MGAT5: variants seen among roughly 807,000 people sequenced by gnomAD.
MGAT5 encodes the protein alpha-1,6-mannosylglycoprotein 6-beta-N-acetylglucosaminyltransferase A.
Under a neutral mutation model 94.3 loss-of-function variants are expected in MGAT5, and 30 were observed. The observed-to-expected ratio is 0.32, with a 90% CI of 0.24 to 0.43. MGAT5 has a LOEUF of 0.43. Among genes scored for constraint, MGAT5 ranks in the 20% least tolerant of loss-of-function variants. The probability of loss-of-function intolerance (pLI) is 1.00; values close to 1 mark genes in which losing one functional copy is unlikely to be tolerated. For missense variants in MGAT5, 691 were observed against 905.5 expected, an observed-to-expected ratio of 0.76 and a Z score of 3.04; for synonymous variants, 310 against 322.9, an observed-to-expected ratio of 0.96 and a Z score of 0.43.
rs138385375 is a variant in MGAT5, at chr2:134,259,390, T to A, written c.241+4746T>A. ...TCCAGCAGCCTGACCCAAATTCTGA[T>A]CCCTAGTGATCACCTCTTATCTAAC... On this transcript the variant is annotated intron_variant, in intron 1 of 15. Transcript: ENST00000281923. Among the ~76,000 whole-genome samples the A allele has an allele frequency of 9.8e-5, 15 of 152,288 alleles. 2 individuals are homozygous for A. Among genetic ancestry groups the A allele is most frequent in the African/African-American group, 3.6e-4 (15 of 41,572 alleles).
intron 2 of MGAT5, among the ~76,000 whole-genome samples, chr2:134,277,534 A>G (rs1414146708): frequency 1.3e-5 from 2 of 152,172 alleles, no homozygotes; most frequent in East Asian, 1.9e-4. Flanking sequence ...AACTGCCCCC[A>G]TAATCCATTC....
intron 1 of MGAT5, among the ~76,000 whole-genome samples, chr2:134,232,976 A>G (rs1681447037): frequency 6.6e-6 from 1 of 152,234 alleles, no homozygotes; most frequent in African/African-American, 2.4e-5. Flanking sequence ...ACCTAAGGTC[A>G]TAACTTTCTT....
In MGAT5 at chr2:134,326,027, C is replaced by T. The variant is rs374200499; in HGVS notation, c.573+7288C>T. Among the ~76,000 whole-genome samples the T allele has an allele frequency of 2.8e-4, 38 of 134,672 alleles. No individual in the cohort carries two copies. In the South Asian group the frequency reaches 9.0e-3, roughly 32 times the overall value. 88.4% of individuals were successfully genotyped at this position (134,672 alleles called of 152,430 possible). On this transcript the variant is annotated intron_variant, in intron 4 of 15. Coordinates refer to ENST00000281923, the MANE Select transcript of MGAT5 (RefSeq NM_002410.5). ...ACTTGAGTTGGGAGGCACATAATGC[C>T]TGATTTCTCTTTCTCTCTCTCTCTC...
At chr2:134,240,440 C>T (rs918779370) in intron 1 of MGAT5, among the ~76,000 whole-genome samples, 4 of 151,334 alleles carry the variant, frequency 2.6e-5, no homozygotes, top group South Asian at 2.1e-4. Context: ...CCCCTTAAGA[C>T]GGAAGAGTGA....
intron 1 of MGAT5, among the ~76,000 whole-genome samples, chr2:134,243,826 G>A (rs1257188): frequency 6.6e-6 from 1 of 152,132 alleles, no homozygotes; most frequent in East Asian, 1.9e-4. Context: ...GTACCCAGCC[G>A]GTGCTCCTCC....
At chr2:134,348,478 A>G (rs1220316164) in intron 8 of MGAT5, among the ~76,000 whole-genome samples, 2 of 152,196 alleles carry the variant, frequency 1.3e-5, no homozygotes, top group Non-Finnish European at 2.9e-5. Flanking sequence ...TGACAAAACT[A>G]GCACACAGAA....
chr2:134,159,102 A>G (rs548280352), intron 1 of MGAT5, among the ~76,000 whole-genome samples: 1 of 152,114 alleles, frequency 6.6e-6, no homozygotes, highest in East Asian at 1.9e-4. Context: ...ACCTGTTTCT[A>G]TTTATCTTTT....
intron 12 of MGAT5, among the ~76,000 whole-genome samples, chr2:134,415,854 TA>T (rs1408915973): frequency 6.6e-6 from 1 of 152,216 alleles, no homozygotes; most frequent in Non-Finnish European, 1.5e-5. Flanking sequence ...GTTTTCCAAA[TA>T]TTATTTATTG....
chr2:134,376,089 C>T (rs1263196811), intron 10 of MGAT5, among the ~76,000 whole-genome samples: 1 of 152,188 alleles, frequency 6.6e-6, no homozygotes, highest in Non-Finnish European at 1.5e-5. Flanking sequence ...AAGGTTTGGC[C>T]AGGCCTCCAG....
At chr2:134,321,687 T>TA (rs1169014921) in intron 4 of MGAT5, among the ~76,000 whole-genome samples, 1 of 152,226 alleles carries the variant, frequency 6.6e-6, no homozygotes, top group Non-Finnish European at 1.5e-5. Context: ...ACTCTCTTCT[T>TA]ATGCAGATAT....
rs945018156 is a variant in MGAT5 at position 134,381,490 on chromosome 2, C to T, written c.1380+19082C>T. Among the ~76,000 whole-genome samples the T allele has an allele frequency of 8.0e-4, 118 of 147,290 alleles. 1 individual carries two copies. The highest frequency in any genetic ancestry group is 2.6e-3 in the African/African-American group (104 of 39,460). On this transcript the variant is annotated intron_variant, in intron 10 of 15. Transcript: ENST00000281923. ...GTAGGTAGGTAGGTAGAGAAATAGA[C>T]AGACCAGACAGACAGACAGACCAGA...
chr2:134,353,655 C>G (rs1679537395), intron 9 of MGAT5, among the ~76,000 whole-genome samples: 1 of 152,148 alleles, frequency 6.6e-6, no homozygotes, highest in African/African-American at 2.4e-5. Flanking sequence ...GAAATCACAA[C>G]TAATACATGC....
chr2:134,333,087 A>G (rs1288388130), intron 4 of MGAT5, among the ~76,000 whole-genome samples: 2 of 152,204 alleles, frequency 1.3e-5, no homozygotes, highest in African/African-American at 2.4e-5. Flanking sequence ...ATTACTGGGT[A>G]TATAACCAAA....
At chr2:134,184,293 A>G (rs1001054661) in intron 1 of MGAT5, among the ~76,000 whole-genome samples, 3 of 152,306 alleles carry the variant, frequency 2.0e-5, no homozygotes, top group South Asian at 4.1e-4. Flanking sequence ...CCTGAGTCCT[A>G]CTTGGCATTT....
At chr2:134,430,273 G>A (rs945516013) in intron 14 of MGAT5, among the ~76,000 whole-genome samples, 1 of 152,200 alleles carries the variant, frequency 6.6e-6, no homozygotes, top group African/African-American at 2.4e-5. Flanking sequence ...AATGACTCTT[G>A]ATCAGGTTTA....
chr2:134,128,581 C>T (rs1685969391), intron 1 of MGAT5, among the ~76,000 whole-genome samples: 1 of 151,388 alleles, frequency 6.6e-6, no homozygotes, highest in Non-Finnish European at 1.5e-5. Flanking sequence ...TTTTTAGAGA[C>T]AGGGTCTTTC....
chr2:134,378,670 C>T (rs1681347287), intron 10 of MGAT5, among the ~76,000 whole-genome samples: 1 of 143,850 alleles, frequency 7.0e-6, no homozygotes, highest in South Asian at 2.2e-4. Flanking sequence ...GGCTTGTGTA[C>T]AGTGGCATGA....
intron 11 of MGAT5, among the ~76,000 whole-genome samples, chr2:134,411,308 A>G (rs1227418219): frequency 6.6e-6 from 1 of 151,544 alleles, no homozygotes; most frequent in African/African-American, 2.4e-5. Context: ...TTTCCTCACC[A>G]CCATCACCCC....
At chr2:134,419,897 C>T (rs1341009966) in intron 12 of MGAT5, among the ~76,000 whole-genome samples, 1 of 152,048 alleles carries the variant, frequency 6.6e-6, no homozygotes, top group African/African-American at 2.4e-5. Flanking sequence ...ACCCTGATTC[C>T]GTCAGAAAAT....
Sources: allele counts gnomAD v4.1 joint callset (sites outside exome capture counted in the v4.1 genomes callset), GRCh38; gene constraint gnomAD v4.1.1; transcripts MANE v1.5; gene names NCBI Gene and HGNC (gene_info 2026-07-23, HGNC 2026-07-21).